The following PTPRD variants were observed in gnomAD, a reference collection of about 807,000 sequenced individuals.
PTPRD encodes receptor-type tyrosine-protein phosphatase delta.
Under a neutral mutation model 214.5 loss-of-function variants are expected in PTPRD, and 34 were observed. That is an observed-to-expected ratio of 0.16 (90% CI 0.12 to 0.21). The LOEUF (loss-of-function observed/expected upper bound fraction) is 0.21, where lower values mean the gene tolerates loss of function less well. Ranked by LOEUF, PTPRD falls within the 10% of genes least tolerant of loss-of-function variation. The probability of loss-of-function intolerance (pLI) is 1.00; values close to 1 mark genes in which losing one functional copy is unlikely to be tolerated. For missense variants in PTPRD, 2,545 were observed against 2,398.7 expected, an observed-to-expected ratio of 1.06 and a Z score of -1.27; for synonymous variants, 1,128 against 845.7, an observed-to-expected ratio of 1.33 and a Z score of -5.79.
intron 9 of PTPRD, among the ~76,000 whole-genome samples, chr9:9,196,213 T>C (rs1311691753): frequency 2.0e-5 from 3 of 152,172 alleles, no homozygotes; most frequent in Non-Finnish European, 4.4e-5. Context: ...GTAATTACTA[T>C]TACCAATATC....
At position 10,092,599 on chromosome 9, in the gene PTPRD, G is replaced by C. The variant is rs1026893711; in HGVS notation, c.-544-58809C>G. 4.6e-5 allele frequency among the ~76,000 whole-genome samples: 7 copies of C among 151,196 alleles called. No individual in the cohort carries two copies. The Admixed American group carries it at 4.6e-4, about 10-fold the overall frequency. ...TACAATGCCACTTTCAACAGAAATA[G>C]AAAAATGAAATTATTCTAAAATTCA... is the stretch of plus-strand genomic sequence containing the variant. On this transcript the variant is annotated intron_variant, in intron 3 of 45. Transcript: ENST00000381196.
chr9:9,476,017 G>A (rs548735894), intron 8 of PTPRD, among the ~76,000 whole-genome samples: 76 of 152,130 alleles, frequency 5.0e-4, no homozygotes, highest in Non-Finnish European at 1.0e-3. Context: ...CTCATAGACT[G>A]TACATTATAT....
chr9:9,772,510 C>G (rs193046712), intron 5 of PTPRD, among the ~76,000 whole-genome samples: 1 of 152,222 alleles, frequency 6.6e-6, no homozygotes, highest in East Asian at 1.9e-4. Context: ...AATAGAAGCT[C>G]TCTTGATATT....
At chr9:9,916,994 A>G (rs2081032291) in intron 5 of PTPRD, among the ~76,000 whole-genome samples, 1 of 152,002 alleles carries the variant, frequency 6.6e-6, no homozygotes, top group South Asian at 2.1e-4. Context: ...AATGAAATTT[A>G]AAAATCTCTT....
At chr9:9,996,372 A>G (rs866928297) in intron 4 of PTPRD, among the ~76,000 whole-genome samples, 26 of 152,360 alleles carry the variant, frequency 1.7e-4, no homozygotes, top group African/African-American at 6.3e-4. Context: ...AATAAATAAG[A>G]TAAGCTCTCA....
intron 30 of PTPRD, among the ~76,000 whole-genome samples, chr9:8,479,646 TA>T (rs1413249953): frequency 6.6e-6 from 1 of 152,244 alleles, no homozygotes; most frequent in East Asian, 1.9e-4. Context: ...ACCAATGGAC[TA>T]AAAGTGCCAA....
chr9:9,418,974 T>C (rs576734392), intron 8 of PTPRD, among the ~76,000 whole-genome samples: 1 of 151,702 alleles, frequency 6.6e-6, no homozygotes, highest in South Asian at 2.1e-4. Context: ...GGAAACGACT[T>C]TCTAGATAAG....
chr9:9,084,516 A>G (rs2099764141), intron 10 of PTPRD, among the ~76,000 whole-genome samples: 1 of 152,182 alleles, frequency 6.6e-6, no homozygotes, highest in Non-Finnish European at 1.5e-5. Flanking sequence ...ACAAACCTGC[A>G]TGTTTTGCAC....
chr9:10,037,989 G>A (rs1299096875), intron 3 of PTPRD, among the ~76,000 whole-genome samples: 1 of 152,044 alleles, frequency 6.6e-6, no homozygotes, highest in African/African-American at 2.4e-5. Context: ...TTGTATATGA[G>A]AGTCTATCTA....
chr9:8,488,560 A>G (rs909190187), intron 27 of PTPRD, among the ~76,000 whole-genome samples: 1 of 152,244 alleles, frequency 6.6e-6, no homozygotes, highest in Non-Finnish European at 1.5e-5. Context: ...GGAAAAATGC[A>G]TCCAGAGATC....
intron 10 of PTPRD, among the ~76,000 whole-genome samples, chr9:9,125,937 G>A (rs1027040397): frequency 3.3e-5 from 5 of 152,150 alleles, no homozygotes; most frequent in African/African-American, 1.2e-4. Flanking sequence ...TGAACAGCAA[G>A]GGGTGAATGG....
intron 14 of PTPRD, among the ~76,000 whole-genome samples, chr9:8,563,423 G>A (rs2087319572): frequency 6.8e-6 from 1 of 146,634 alleles, no homozygotes; most frequent in Non-Finnish European, 1.5e-5. Context: ...TACTTACAAA[G>A]TTTTGATGTA....
At chr9:9,192,588 G>C (rs767900265) in intron 9 of PTPRD, among the ~76,000 whole-genome samples, 4 of 152,010 alleles carry the variant, frequency 2.6e-5, no homozygotes, top group Non-Finnish European at 4.4e-5. Flanking sequence ...CTGTCTCAGA[G>C]GGCTTTGATT....
chr9:9,123,404 C>T (rs769641405), intron 10 of PTPRD, among the ~76,000 whole-genome samples: 2 of 152,136 alleles, frequency 1.3e-5, no homozygotes, highest in Non-Finnish European at 2.9e-5. Flanking sequence ...CTCCTCAGTA[C>T]AATAAGTCGC....
chr9:9,529,282 A>T (rs144906177), intron 8 of PTPRD, among the ~76,000 whole-genome samples: 316 of 152,124 alleles, frequency 2.1e-3, no homozygotes, highest in East Asian at 8.3e-3. Context: ...CAAAAAAAAA[A>T]AATAATAAAT....
At chr9:8,672,870 G>A (rs952500487) in intron 12 of PTPRD, among the ~76,000 whole-genome samples, 1 of 151,432 alleles carries the variant, frequency 6.6e-6, no homozygotes, top group African/African-American at 2.4e-5. Flanking sequence ...GGGTATGTGG[G>A]GGTGTATTTT....
intron 11 of PTPRD, among the ~76,000 whole-genome samples, chr9:8,824,690 A>G (rs2097141551): frequency 6.6e-6 from 1 of 152,178 alleles, no homozygotes; most frequent in African/African-American, 2.4e-5. Context: ...GCTGATTGTA[A>G]TGTGCCCAGA....
chr9:8,647,643 T>C (rs930615973), intron 12 of PTPRD, among the ~76,000 whole-genome samples: 8 of 152,342 alleles, frequency 5.3e-5, no homozygotes, highest in African/African-American at 1.9e-4. Flanking sequence ...GAATTACTCC[T>C]ACATGTAAAA....
At chr9:9,689,962 T>C (rs2154402983) in intron 7 of PTPRD, among the ~76,000 whole-genome samples, 1 of 151,860 alleles carries the variant, frequency 6.6e-6, no homozygotes, top group Admixed American at 6.6e-5. Flanking sequence ...TGCAGATCTC[T>C]CTCTTATGTA....
Sources: gnomAD v4.1 joint callset for allele counts (sites outside exome capture counted in the v4.1 genomes callset) on GRCh38, gnomAD v4.1.1 for gene constraint, MANE v1.5 for transcripts, NCBI Gene and HGNC (gene_info 2026-07-23, HGNC 2026-07-21) for gene names.